Variants in OPHN1 observed in about 807,000 individuals in gnomAD.
OPHN1 encodes the protein oligophrenin 1.
OPHN1 carries 11 observed loss-of-function variants against 60.7 expected under a neutral mutation model. The observed-to-expected ratio is 0.18, with a 90% CI of 0.11 to 0.30. OPHN1 has a LOEUF of 0.30. Among genes scored for constraint, OPHN1 ranks in the 10% least tolerant of loss-of-function variants. The pLI is 1.00. For synonymous variants in OPHN1, 226 were observed against 222.6 expected, an observed-to-expected ratio of 1.02 and a Z score of -0.14; for missense variants, 449 against 611.0, an observed-to-expected ratio of 0.73 and a Z score of 2.80.
intron 2 of OPHN1, among the ~76,000 whole-genome samples, chrX:68,398,285 A>G (rs1397069354): frequency 8.9e-6 from 1 of 111,776 alleles, no homozygotes; most frequent in African/African-American, 3.3e-5. Flanking sequence ...CCCTTATTCC[A>G]CAGTGCCCCA....
At chrX:68,133,712 A>C (rs1017436808) in intron 15 of OPHN1, among the ~76,000 whole-genome samples, 1 of 112,144 alleles carries the variant, frequency 8.9e-6, no homozygotes, top group African/African-American at 3.2e-5. Context: ...CAGTTTAGCA[A>C]AATATGCCTT....
intron 10 of OPHN1, 88 bp downstream of exon 10, chrX:68,206,485 G>C: frequency 1.4e-6 from 1 of 698,841 alleles, no homozygotes; most frequent in Admixed American, 2.3e-5. Flanking sequence ...TGATGAACTT[G>C]ATGATTTGAT....
At chrX:68,084,232 A>G (rs1364823093) in intron 19 of OPHN1, among the ~76,000 whole-genome samples, 3 of 106,475 alleles carry the variant, frequency 2.8e-5, no homozygotes, top group African/African-American at 1.0e-4. Flanking sequence ...AGCACTCAGT[A>G]AGTGGTAGTT....
chrX:68,099,261 T>A (rs958801965), intron 18 of OPHN1, among the ~76,000 whole-genome samples: 28 of 111,783 alleles, frequency 2.5e-4, no homozygotes, highest in Non-Finnish European at 1.3e-4. Context: ...ACAAGATGAA[T>A]GAAACCAAAA....
intron 6 of OPHN1, among the ~76,000 whole-genome samples, chrX:68,228,155 C>G (rs922024114): frequency 3.6e-5 from 4 of 111,617 alleles, no homozygotes; most frequent in African/African-American, 1.3e-4. Flanking sequence ...ACTAGAAAAT[C>G]TAGAAGAAAT....
intron 19 of OPHN1, among the ~76,000 whole-genome samples, chrX:68,090,240 GTC>G (rs1328141887): frequency 4.1e-5 from 4 of 97,549 alleles, no homozygotes; most frequent in Admixed American, 1.1e-4. Context: ...AAGTGTGTGT[GTC>G]TGTGTGTGTG....
At chrX:68,100,571 C>T (rs2077054139) in intron 18 of OPHN1, among the ~76,000 whole-genome samples, 1 of 110,111 alleles carries the variant, frequency 9.1e-6, no homozygotes, top group Non-Finnish European at 1.9e-5. Flanking sequence ...GGGTGATGGA[C>T]ACATAATACT....
intron 2 of OPHN1, among the ~76,000 whole-genome samples, chrX:68,348,516 T>C (rs1344491645): frequency 9.9e-6 from 1 of 100,618 alleles, no homozygotes; most frequent in East Asian, 3.0e-4. Flanking sequence ...ATGATATACT[T>C]AGAAAAGACT....
intron 6 of OPHN1, among the ~76,000 whole-genome samples, chrX:68,232,590 T>C (rs1771641712): frequency 9.0e-6 from 1 of 111,373 alleles, no homozygotes; most frequent in African/African-American, 3.3e-5. Flanking sequence ...AAGAAAAAGG[T>C]GTTCGACATA....
At chrX:68,048,571 G>C in intron 23 of OPHN1, 114 bp from the exon 24 acceptor site, 1 of 625,602 alleles carries the variant, frequency 1.6e-6, no homozygotes, top group East Asian at 3.5e-5. Flanking sequence ...TTGAAAAATG[G>C]AGAAGTGATT....
At chrX:68,346,072 G>T (rs2078377711) in intron 2 of OPHN1, among the ~76,000 whole-genome samples, 1 of 111,805 alleles carries the variant, frequency 8.9e-6, no homozygotes, top group Non-Finnish European at 1.9e-5. Context: ...AGGCTGCAGT[G>T]GGCCGTGATC....
chrX:68,107,546 G>A (rs756358431), intron 18 of OPHN1, among the ~76,000 whole-genome samples: 7 of 111,517 alleles, frequency 6.3e-5, no homozygotes, highest in South Asian at 7.6e-4. Context: ...GCACAATCTC[G>A]GCTCACTGCA....
At chrX:68,153,207 T>G (rs1404721260) in intron 15 of OPHN1, among the ~76,000 whole-genome samples, 2 of 74,098 alleles carry the variant, frequency 2.7e-5, no homozygotes, top group Non-Finnish European at 4.5e-5. Flanking sequence ...CGAGACTCCA[T>G]GTCAAAAAAA....
intron 2 of OPHN1, among the ~76,000 whole-genome samples, chrX:68,418,734 AT>A (rs1476173178): frequency 3.6e-5 from 4 of 112,021 alleles, no homozygotes; most frequent in African/African-American, 1.3e-4. Flanking sequence ...AGGGACCATT[AT>A]CTGCCCTTGG....
intron 15 of OPHN1, among the ~76,000 whole-genome samples, chrX:68,190,237 T>A (rs1157761691): frequency 8.9e-6 from 1 of 112,022 alleles, no homozygotes; most frequent in East Asian, 2.8e-4. Flanking sequence ...GAGAGACAGT[T>A]TCCCAGTAGA....
chrX:68,212,258 T>A (rs748496746), intron 7 of OPHN1, 46 bp from the exon 8 acceptor site: 1 of 894,972 alleles, frequency 1.1e-6, no homozygotes, highest in Admixed American at 2.5e-5. Context: ...CATCTTCTAA[T>A]AAACTAAATA....
chrX:68,152,091 C>T (rs1313633388), intron 15 of OPHN1, among the ~76,000 whole-genome samples: 1 of 110,865 alleles, frequency 9.0e-6, no homozygotes, highest in Non-Finnish European at 1.9e-5. Context: ...TGATGCTAAC[C>T]CACTCATGAG....
At chrX:68,174,638 A>T (rs1480370977) in intron 15 of OPHN1, among the ~76,000 whole-genome samples, 1 of 108,611 alleles carries the variant, frequency 9.2e-6, no homozygotes, top group African/African-American at 3.4e-5. Context: ...CACTCAGCTA[A>T]TTTTTTTATA....
intron 2 of OPHN1, among the ~76,000 whole-genome samples, chrX:68,386,585 G>A (rs2078625433): frequency 8.9e-6 from 1 of 111,997 alleles, no homozygotes; most frequent in South Asian, 3.7e-4. Context: ...AATAGTGTTT[G>A]CCAGTGGCCT....
Sources: allele counts gnomAD v4.1 joint callset (sites outside exome capture counted in the v4.1 genomes callset), GRCh38; gene constraint gnomAD v4.1.1; transcripts MANE v1.5; gene names NCBI Gene and HGNC (gene_info 2026-07-23, HGNC 2026-07-21).